FNDC3B: variants seen among roughly 807,000 people sequenced by gnomAD.
The protein encoded by FNDC3B is fibronectin type III domain-containing protein 3B.
Under a neutral mutation model 151.5 loss-of-function variants are expected in FNDC3B, and 12 were observed. That is an observed-to-expected ratio of 0.08 (90% CI 0.05 to 0.13). The LOEUF (loss-of-function observed/expected upper bound fraction) is 0.13, where lower values mean the gene tolerates loss of function less well. FNDC3B is among the 10% of genes least tolerant of loss of function. The probability of loss-of-function intolerance (pLI) is 1.00; values close to 1 mark genes in which losing one functional copy is unlikely to be tolerated. For missense variants in FNDC3B, 1,214 were observed against 1,505.3 expected (o/e 0.81, Z 3.20); for synonymous variants, 528 against 549.0 (o/e 0.96, Z 0.54).
intron 4 of FNDC3B, chr3:172,227,389 G>C (rs2132164): frequency 0.25 from 39,126 of 153,456 alleles, 5,162 homozygotes; most frequent in East Asian, 0.44. Context: ...TGTGGCAAAA[G>C]CTAGGCTTGG....
At chr3:172,373,589 T>A (rs1734985604) in intron 23 of FNDC3B, among the ~76,000 whole-genome samples, 1 of 152,240 alleles carries the variant, frequency 6.6e-6, no homozygotes, top group African/African-American at 2.4e-5. Flanking sequence ...TCTGGCTTAC[T>A]TATTAATGAA....
At chr3:172,245,534 G>A (rs1576834424) in intron 4 of FNDC3B, among the ~76,000 whole-genome samples, 3 of 152,162 alleles carry the variant, frequency 2.0e-5, no homozygotes, top group South Asian at 4.1e-4. Context: ...GTTTGTGTCA[G>A]ATCGTAGGAA....
rs1445490742 is a variant in FNDC3B, at chr3:172,339,567, GAAAAAAC to G, written c.1853-1535_1853-1529del. ...GACAGAGTAAGACTCTGTCTCGGAAGAAAAAACAAAAAACAAACAAACAAACAAAAAA... is the reference window on the plus strand; with the variant it reads ...GACAGAGTAAGACTCTGTCTCGGAAGAAAAAACAAACAAACAAACAAAAAA... On this transcript the variant is annotated intron_variant, in intron 16 of 25. Coordinates refer to ENST00000415807, the MANE Select transcript of FNDC3B (RefSeq NM_022763.4). 9.2e-5 allele frequency among the ~76,000 whole-genome samples: 14 copies of G among 152,102 alleles called. 1 individual carries two copies. In the East Asian group the frequency reaches 2.5e-3, roughly 27 times the overall value.
At chr3:172,260,435 G>A (rs1728588936) in intron 6 of FNDC3B, among the ~76,000 whole-genome samples, 1 of 152,216 alleles carries the variant, frequency 6.6e-6, no homozygotes, top group Non-Finnish European at 1.5e-5. Context: ...TTTCTTGTAT[G>A]TAGAAAATAG....
chr3:172,363,360 C>T (rs528270292), intron 23 of FNDC3B, among the ~76,000 whole-genome samples: 1 of 152,224 alleles, frequency 6.6e-6, no homozygotes, highest in South Asian at 2.1e-4. Flanking sequence ...CATAAAACTC[C>T]ATACCCAGGA....
intron 1 of FNDC3B, among the ~76,000 whole-genome samples, chr3:172,073,981 G>T (rs1239199223): frequency 6.6e-6 from 1 of 152,152 alleles, no homozygotes; most frequent in Non-Finnish European, 1.5e-5. Flanking sequence ...TCATTTGTCT[G>T]AATTTAGGAG....
chr3:172,076,213 A>G (rs9990286), intron 1 of FNDC3B, among the ~76,000 whole-genome samples: 1,662 of 152,276 alleles, frequency 0.011, 32 homozygotes, highest in African/African-American at 0.038. Context: ...ATTGTTTCCT[A>G]CTAATGTCAT....
rs1732760759 is a variant in FNDC3B, at chr3:172,333,095, C to T, written c.1561C>T (p.Leu521Phe). 1 of 1,610,512 alleles carries T rather than the reference C, an allele frequency of 6.2e-7. No individual in the cohort carries two copies. The highest frequency in any genetic ancestry group is 1.3e-5 in the African/African-American group (1 of 74,844). ...CCTGGCTTTGCCTTTTCAGGATAACCTTTTCCACCCAAAATACACTGGAGA... is the reference window on the plus strand; with the variant it reads ...CCTGGCTTTGCCTTTTCAGGATAACTTTTTCCACCCAAAATACACTGGAGA... Reference protein sequence around the residue: ...LEIQEDENDNLFHPKYTGEDL... With the variant: ...LEIQEDENDNFFHPKYTGEDL... The change falls in exon 14 of 26, where the codon CTT (leucine) becomes TTT (phenylalanine). Residue 521 changes from leucine (L) to phenylalanine (F), a missense_variant. Leu to Phe is a conservative substitution (Grantham distance 22). Coordinates refer to ENST00000415807, the MANE Select transcript of FNDC3B (RefSeq NM_022763.4).
intron 3 of FNDC3B, among the ~76,000 whole-genome samples, chr3:172,218,882 A>G (rs1726131164): frequency 6.6e-6 from 1 of 152,206 alleles, no homozygotes; most frequent in Admixed American, 6.5e-5. Flanking sequence ...CCTGAGCCAG[A>G]GGAAGTGCCA....
intron 6 of FNDC3B, among the ~76,000 whole-genome samples, chr3:172,256,599 T>C (rs1179924674): frequency 5.3e-5 from 8 of 152,218 alleles, no homozygotes; most frequent in Non-Finnish European, 1.2e-4. Context: ...CTTCATTTCT[T>C]CCATTTTATT....
chr3:172,200,527 G>A (rs1725091854), intron 3 of FNDC3B, among the ~76,000 whole-genome samples: 1 of 152,188 alleles, frequency 6.6e-6, no homozygotes, highest in Admixed American at 6.5e-5. Context: ...TAAATTACAT[G>A]AGTTATTCAA....
intron 3 of FNDC3B, among the ~76,000 whole-genome samples, chr3:172,199,272 C>T (rs965683984): frequency 1.2e-4 from 18 of 151,506 alleles, no homozygotes; most frequent in African/African-American, 3.1e-4. Context: ...CTCCGCCTCC[C>T]GGGTTCACGC....
intron 3 of FNDC3B, among the ~76,000 whole-genome samples, chr3:172,203,630 T>C (rs1168856147): frequency 6.6e-6 from 1 of 152,218 alleles, no homozygotes; most frequent in Non-Finnish European, 1.5e-5. Flanking sequence ...TTTGAAAGAT[T>C]ATGCTTGGTG....
chr3:172,303,838 C>T (rs1010985207), intron 9 of FNDC3B, among the ~76,000 whole-genome samples: 52 of 152,142 alleles, frequency 3.4e-4, no homozygotes, highest in African/African-American at 1.2e-3. Flanking sequence ...CAGTAAGTTG[C>T]TGTCCATTTA....
chr3:172,364,974 G>C (rs1040905674), intron 23 of FNDC3B, among the ~76,000 whole-genome samples: 9 of 152,136 alleles, frequency 5.9e-5, no homozygotes, highest in Non-Finnish European at 8.8e-5. Flanking sequence ...CATTCTATTT[G>C]TGAATAATTT....
At position 172,112,503 on chromosome 3, in the gene FNDC3B, C is replaced by T. The variant is rs539042799; in HGVS notation, c.24C>T (p.Thr8=). 1.2e-5 allele frequency: 19 copies of T among 1,613,772 alleles called. No homozygotes were observed. The highest frequency in any genetic ancestry group is 6.7e-5 in the Admixed American group (4 of 59,998). Residue 8 remains threonine, a synonymous_variant, in exon 2 of 26, where the codon ACC becomes ACT. Transcript: ENST00000415807. MYVTMMM[T]DQIPLELPPL... is the part of the protein sequence containing the mutation. Reference sequence around the variant, plus strand: ...GAATGTACGTCACAATGATGATGACCGACCAAATCCCTCTGGAACTGCCAC... The same window carrying T: ...GAATGTACGTCACAATGATGATGACTGACCAAATCCCTCTGGAACTGCCAC...
intron 1 of FNDC3B, among the ~76,000 whole-genome samples, chr3:172,096,918 G>A (rs1719117708): frequency 6.6e-6 from 1 of 152,198 alleles, no homozygotes; most frequent in Admixed American, 6.5e-5. Flanking sequence ...AAAGATAAGA[G>A]TGGGTAGTTA....
chr3:172,086,971 C>T (rs955049041), intron 1 of FNDC3B, among the ~76,000 whole-genome samples: 1 of 152,172 alleles, frequency 6.6e-6, no homozygotes, highest in African/African-American at 2.4e-5. Flanking sequence ...ACAGACACCA[C>T]AGGTGGTGAG....
intron 22 of FNDC3B, among the ~76,000 whole-genome samples, chr3:172,360,232 T>C (rs1734298124): frequency 1.3e-5 from 2 of 152,216 alleles, no homozygotes; most frequent in Admixed American, 1.3e-4. Context: ...TGTTTTTGTG[T>C]CCTTATTTGC....
Sources: gnomAD v4.1 joint callset for allele counts (sites outside exome capture counted in the v4.1 genomes callset) on GRCh38, gnomAD v4.1.1 for gene constraint, MANE v1.5 for transcripts, NCBI Gene and HGNC (gene_info 2026-07-23, HGNC 2026-07-21) for gene names.